The following ERICH6B variants were observed in gnomAD, a reference collection of about 807,000 sequenced individuals.
The protein encoded by ERICH6B is glutamate rich 6B.
ERICH6B carries 69 observed loss-of-function variants against 80.0 expected under a neutral mutation model. The observed-to-expected ratio is 0.86, with a 90% confidence interval of 0.71 to 1.05. ERICH6B has a LOEUF of 1.05. Among genes scored for constraint, ERICH6B ranks in the 50% least tolerant of loss-of-function variants. The pLI, the probability that ERICH6B is intolerant of heterozygous loss-of-function variation, is 0.00. For synonymous variants in ERICH6B, 283 were observed against 291.9 expected, an observed-to-expected ratio of 0.97 and a Z score of 0.31; for missense variants, 754 against 796.1, an observed-to-expected ratio of 0.95 and a Z score of 0.64.
chr13:45,604,180 T>C (rs780940072), intron 2 of ERICH6B, among the ~76,000 whole-genome samples: 18 of 152,238 alleles, frequency 1.2e-4, no homozygotes, highest in Non-Finnish European at 2.4e-4. Context: ...CTCTGCTGAC[T>C]CTGTGAGGAT....
rs939213661 is a variant in ERICH6B at position 45,561,391 on chromosome 13, T to C, written c.1385A>G (p.Glu462Gly). 4 of 1,552,354 alleles carry C rather than the reference T, an allele frequency of 2.6e-6. No homozygotes were observed. The highest frequency in any genetic ancestry group is 3.5e-6 in the Non-Finnish European group (4 of 1,147,132). Residue 462 changes from glutamate to glycine, a missense_variant, in exon 11 of 15, where the codon GAA becomes GGA. Coordinates refer to ENST00000298738, the MANE Select transcript of ERICH6B (RefSeq NM_182542.3). Reference sequence around the variant, plus strand: ...TACCACTGTCTTCTTCTGTATCCATTCCTTATCTCGTTCTAATTTCTTCCT... The same window carrying C: ...TACCACTGTCTTCTTCTGTATCCATCCCTTATCTCGTTCTAATTTCTTCCT... Reference protein sequence around the residue: ...HHRKKLERDKEWIQKKTVVHQ... With the variant: ...HHRKKLERDKGWIQKKTVVHQ...
chr13:45,561,405 T>A lies in ERICH6B; in HGVS notation c.1371A>T (p.Leu457Phe), dbSNP rs756224116. Residue 457 changes from leucine (L) to phenylalanine (F), a missense_variant, in exon 11 of 15, where the codon TTA becomes TTT. By Grantham distance (22) the Leu-to-Phe change is conservative. Coordinates refer to ENST00000298738, the MANE Select transcript of ERICH6B (RefSeq NM_182542.3). The stretch of plus-strand genomic sequence containing the variant: ...TCTGTATCCATTCCTTATCTCGTTC[T>A]AATTTCTTCCTATGATGAACAACAC... ...PQRVVHHRKK[L>F]ERDKEWIQKK... 1 of 1,552,394 alleles carries A rather than the reference T, an allele frequency of 6.4e-7. No homozygotes were observed. The highest frequency in any genetic ancestry group is 1.2e-5 in the South Asian group (1 of 84,066).
intron 6 of ERICH6B, among the ~76,000 whole-genome samples, chr13:45,580,185 C>T (rs1467347322): frequency 6.6e-6 from 1 of 152,126 alleles, no homozygotes; most frequent in African/African-American, 2.4e-5. Flanking sequence ...ATTCCCCTCC[C>T]TTTATTCTTA....
At chr13:45,575,355 G>C (rs541452237) in intron 7 of ERICH6B, among the ~76,000 whole-genome samples, 1 of 152,314 alleles carries the variant, frequency 6.6e-6, no homozygotes, top group African/African-American at 2.4e-5. Flanking sequence ...ACACATGGCA[G>C]GGGGAACCCT....
At chr13:45,574,493 C>T (rs753481291) in intron 8 of ERICH6B, among the ~76,000 whole-genome samples, 10 of 152,150 alleles carry the variant, frequency 6.6e-5, no homozygotes, top group Non-Finnish European at 1.5e-4. Flanking sequence ...TTCTGTGTCT[C>T]TCTGCAGGGT....
At chr13:45,550,182 T>C (rs1874160714) in intron 12 of ERICH6B, 49 bp downstream of exon 12, 1 of 1,540,140 alleles carries the variant, frequency 6.5e-7, no homozygotes, top group African/African-American at 1.4e-5. Context: ...GTAGACATTT[T>C]AGGTGCCAAT....
intron 14 of ERICH6B, among the ~76,000 whole-genome samples, chr13:45,542,547 C>A (rs532760457): frequency 6.6e-6 from 1 of 152,188 alleles, no homozygotes; most frequent in East Asian, 1.9e-4. Flanking sequence ...CTCTCCAAGG[C>A]GTCAGGCCCC....
intron 7 of ERICH6B, 21 bp downstream of exon 7, chr13:45,579,912 T>A: frequency 6.4e-7 from 1 of 1,551,604 alleles, no homozygotes; most frequent in Non-Finnish European, 8.7e-7. Flanking sequence ...GATCTTTGGA[T>A]GCATTATGTC....
chr13:45,574,239 G>A (rs1310150103), intron 8 of ERICH6B, among the ~76,000 whole-genome samples: 3 of 152,138 alleles, frequency 2.0e-5, no homozygotes, highest in Non-Finnish European at 2.9e-5. Context: ...GTTTCCCTCA[G>A]AATCAGCATG....
At chr13:45,582,951 C>T (rs1447224582) in intron 5 of ERICH6B, among the ~76,000 whole-genome samples, 1 of 152,174 alleles carries the variant, frequency 6.6e-6, no homozygotes, top group African/African-American at 2.4e-5. Context: ...CAGTATTTAT[C>T]CCAGATTGGT....
intron 2 of ERICH6B, among the ~76,000 whole-genome samples, chr13:45,598,382 G>C (rs1327202917): frequency 6.6e-6 from 1 of 151,938 alleles, no homozygotes; most frequent in Non-Finnish European, 1.5e-5. Flanking sequence ...AGTGCACCCT[G>C]AAGGTTTAAA....
chr13:45,611,948 A>G (rs1566309720), intron 1 of ERICH6B, among the ~76,000 whole-genome samples: 1 of 152,200 alleles, frequency 6.6e-6, no homozygotes, highest in Non-Finnish European at 1.5e-5. Flanking sequence ...GAAGCTACAT[A>G]GTCCAACTTG....
intron 2 of ERICH6B, among the ~76,000 whole-genome samples, chr13:45,599,234 C>A (rs1005440357): frequency 1.3e-5 from 2 of 152,092 alleles, no homozygotes; most frequent in South Asian, 4.1e-4. Context: ...AGGTCAGTGG[C>A]TGAGGGTAGG....
chr13:45,583,628 C>A (rs1875764223), intron 5 of ERICH6B, among the ~76,000 whole-genome samples: 1 of 152,110 alleles, frequency 6.6e-6, no homozygotes, highest in Non-Finnish European at 1.5e-5. Context: ...GTGGGAGGGA[C>A]CTGCTGGGAG....
chr13:45,581,539 G>A (rs1467385308), intron 5 of ERICH6B, among the ~76,000 whole-genome samples: 1 of 152,162 alleles, frequency 6.6e-6, no homozygotes. Context: ...ACCACACCTG[G>A]CTACTTTTTG....
intron 14 of ERICH6B, among the ~76,000 whole-genome samples, chr13:45,543,173 C>T (rs1873851807): frequency 6.6e-6 from 1 of 152,060 alleles, no homozygotes; most frequent in Non-Finnish European, 1.5e-5. Context: ...AGGAAGAGAA[C>T]CTTGCTTAGG....
At chr13:45,550,201 A>G in intron 12 of ERICH6B, 30 bp downstream of exon 12, 1 of 1,546,066 alleles carries the variant, frequency 6.5e-7, no homozygotes, top group Non-Finnish European at 8.8e-7. Flanking sequence ...ATATATGTCA[A>G]TACGAGCATC....
intron 2 of ERICH6B, among the ~76,000 whole-genome samples, chr13:45,602,291 C>G (rs1416778793): frequency 6.6e-6 from 1 of 152,156 alleles, no homozygotes; most frequent in East Asian, 1.9e-4. Flanking sequence ...CTTGGTGATG[C>G]TTTGTTTGCC....
At chr13:45,577,294 T>TTTTTTTTTTTTTTTTTTTTTTTTTTG (rs1875455215) in intron 7 of ERICH6B, among the ~76,000 whole-genome samples, 1 of 128,344 alleles carries the variant, frequency 7.8e-6, no homozygotes, top group Non-Finnish European at 1.5e-5. Flanking sequence ...TTTTTTTTTT[T>TTTTTTTTTTTTTTTTTTTTTTTTTTG]TTTTTTTTGA....
Sources: allele counts gnomAD v4.1 joint callset (sites outside exome capture counted in the v4.1 genomes callset), GRCh38; gene constraint gnomAD v4.1.1; transcripts MANE v1.5; gene names NCBI Gene and HGNC (gene_info 2026-07-23, HGNC 2026-07-21).